Variants in CSMD3 observed in about 807,000 individuals in gnomAD.
The protein encoded by CSMD3 is CUB and sushi domain-containing protein 3.
In CSMD3, 177 loss-of-function variants were observed where a neutral mutation model predicts 435.2. The ratio of observed to expected loss-of-function variants is 0.41; its 90% CI spans 0.36 to 0.46. The LOEUF is 0.46. Ranked by LOEUF, CSMD3 falls within the 20% of genes least tolerant of loss-of-function variation. The pLI, the probability that CSMD3 is intolerant of heterozygous loss-of-function variation, is 0.34. For synonymous variants in CSMD3, 1,656 were observed against 1,520.5 expected (o/e 1.09, Z -2.07); for missense variants, 4,265 against 4,504.6 (o/e 0.95, Z 1.52).
intron 1 of CSMD3, among the ~76,000 whole-genome samples, chr8:113,384,992 AATGATAATGCAAT>A (rs1482960776): frequency 1.3e-5 from 2 of 152,164 alleles, no homozygotes; most frequent in African/African-American, 4.8e-5. Context: ...GAATATGCAT[AATGATAATGCAAT>A]ATGATAATGA....
At chr8:112,878,392 G>T (rs1376336384) in intron 10 of CSMD3, among the ~76,000 whole-genome samples, 1 of 152,118 alleles carries the variant, frequency 6.6e-6, no homozygotes, top group African/African-American at 2.4e-5. Flanking sequence ...AGTTAGAATG[G>T]CAATCATAAA....
chr8:113,338,000 ACCC>A (rs1467216316), intron 1 of CSMD3, among the ~76,000 whole-genome samples: 15 of 152,002 alleles, frequency 9.9e-5, no homozygotes, highest in Non-Finnish European at 2.2e-4. Flanking sequence ...GAAAGAAATA[ACCC>A]ACAGAATGGG....
intron 4 of CSMD3, among the ~76,000 whole-genome samples, chr8:113,123,357 T>C (rs1006794914): frequency 6.6e-6 from 1 of 152,208 alleles, no homozygotes; most frequent in Middle Eastern, 3.4e-3. Context: ...GCTTTATCAA[T>C]ATCAACTAAA....
chr8:113,105,820 C>T (rs2090458072), intron 4 of CSMD3, among the ~76,000 whole-genome samples: 1 of 151,854 alleles, frequency 6.6e-6, no homozygotes, highest in African/African-American at 2.4e-5. Flanking sequence ...GCTCAAGATT[C>T]CTTAAAGATA....
At chr8:112,602,773 AAT>A (rs1269379930) in intron 22 of CSMD3, among the ~76,000 whole-genome samples, 2 of 151,944 alleles carry the variant, frequency 1.3e-5, no homozygotes, top group African/African-American at 4.8e-5. Flanking sequence ...AATAATAAAA[AAT>A]ATATATTTAT....
chr8:112,697,293 C>T (rs1244747396), intron 13 of CSMD3, among the ~76,000 whole-genome samples: 1 of 152,178 alleles, frequency 6.6e-6, no homozygotes, highest in African/African-American at 2.4e-5. Context: ...TTTATTGCAG[C>T]ACTATTCACA....
chr8:112,870,437 T>G (rs2081101477), intron 10 of CSMD3, among the ~76,000 whole-genome samples: 1 of 150,448 alleles, frequency 6.6e-6, no homozygotes, highest in African/African-American at 2.4e-5. Context: ...TCCGGCTAAT[T>G]TTTTGCATTT....
intron 5 of CSMD3, among the ~76,000 whole-genome samples, chr8:113,023,827 C>A (rs1180523573): frequency 6.6e-6 from 1 of 151,966 alleles, no homozygotes; most frequent in African/African-American, 2.4e-5. Flanking sequence ...TTATGGGGTA[C>A]AATGTGCTGT....
At chr8:113,407,048 G>T (rs889470636) in intron 1 of CSMD3, among the ~76,000 whole-genome samples, 30 of 152,172 alleles carry the variant, frequency 2.0e-4, no homozygotes, top group Admixed American at 9.2e-4. Context: ...GACTACAAAA[G>T]TTAGAAGAGG....
intron 23 of CSMD3, among the ~76,000 whole-genome samples, chr8:112,585,239 G>A (rs2131345221): frequency 6.6e-6 from 1 of 151,572 alleles, no homozygotes; most frequent in South Asian, 2.1e-4. Context: ...TTGAATTGGT[G>A]TGTTTCTATT....
intron 20 of CSMD3, among the ~76,000 whole-genome samples, chr8:112,643,138 G>A (rs2074881115): frequency 6.6e-6 from 1 of 152,146 alleles, no homozygotes; most frequent in Non-Finnish European, 1.5e-5. Flanking sequence ...TGTGTTTGAG[G>A]AGCTTTTGGT....
chr8:113,000,977 C>T (rs764138023), intron 6 of CSMD3, among the ~76,000 whole-genome samples: 9 of 151,766 alleles, frequency 5.9e-5, no homozygotes, highest in Non-Finnish European at 1.2e-4. Context: ...AGATTTTTAC[C>T]CAAAGGATTC....
chr8:112,740,150 C>G (rs2077271535), intron 13 of CSMD3, among the ~76,000 whole-genome samples: 1 of 151,532 alleles, frequency 6.6e-6, no homozygotes, highest in Admixed American at 6.6e-5. Flanking sequence ...AGCTTTTTGG[C>G]ATAACTTGTT....
chr8:112,642,110 C>T (rs1448885906), intron 20 of CSMD3, among the ~76,000 whole-genome samples: 1 of 151,970 alleles, frequency 6.6e-6, no homozygotes, highest in Non-Finnish European at 1.5e-5. Flanking sequence ...ATGACTTGTA[C>T]TTAAAGTCAA....
chr8:113,058,000 C>G (rs1432127137), intron 5 of CSMD3, among the ~76,000 whole-genome samples: 1 of 151,658 alleles, frequency 6.6e-6, no homozygotes, highest in Non-Finnish European at 1.5e-5. Flanking sequence ...GAAAAATTAG[C>G]TATTTTTACT....
chr8:113,333,673 G>A (rs767777781), intron 1 of CSMD3, among the ~76,000 whole-genome samples: 12 of 151,696 alleles, frequency 7.9e-5, no homozygotes, highest in Non-Finnish European at 4.4e-5. Flanking sequence ...CTTGATTATT[G>A]TAACTACATA....
intron 10 of CSMD3, among the ~76,000 whole-genome samples, chr8:112,920,997 GCACACA>G (rs747366512): frequency 0.016 from 1,850 of 114,954 alleles, 27 homozygotes; most frequent in African/African-American, 0.042. Flanking sequence ...ACGCGCGCGC[GCACACA>G]CACACACACA....
intron 5 of CSMD3, among the ~76,000 whole-genome samples, chr8:113,077,150 C>G (rs139076495): frequency 2.0e-5 from 3 of 151,926 alleles, no homozygotes; most frequent in Non-Finnish European, 4.4e-5. Flanking sequence ...CTGGTGAAAT[C>G]TGAATAATTT....
intron 6 of CSMD3, among the ~76,000 whole-genome samples, chr8:112,978,443 C>A (rs2084932750): frequency 6.6e-6 from 1 of 151,922 alleles, no homozygotes; most frequent in Non-Finnish European, 1.5e-5. Flanking sequence ...CACTCACTTT[C>A]TTGAAGACCT....
Sources: gnomAD v4.1 joint callset for allele counts (sites outside exome capture counted in the v4.1 genomes callset) on GRCh38, gnomAD v4.1.1 for gene constraint, MANE v1.5 for transcripts, NCBI Gene and HGNC (gene_info 2026-07-23, HGNC 2026-07-21) for gene names.